CPEB3: variants seen among roughly 807,000 people sequenced by gnomAD.
The protein encoded by CPEB3 is cytoplasmic polyadenylation element-binding protein 3.
Under a neutral mutation model 67.2 loss-of-function variants are expected in CPEB3, and 20 were observed. The observed-to-expected ratio is 0.30, with a 90% CI of 0.21 to 0.43. The LOEUF (loss-of-function observed/expected upper bound fraction) is 0.43, where lower values mean the gene tolerates loss of function less well. CPEB3 is among the 20% of genes least tolerant of loss of function. The probability of loss-of-function intolerance (pLI) is 1.00; values close to 1 mark genes in which losing one functional copy is unlikely to be tolerated. For missense variants in CPEB3, 746 were observed against 968.6 expected, an observed-to-expected ratio of 0.77 and a Z score of 3.05; for synonymous variants, 376 against 393.1, an observed-to-expected ratio of 0.96 and a Z score of 0.51.
chr10:92,084,808 T>C (rs1161762521), intron 8 of CPEB3, among the ~76,000 whole-genome samples: 1 of 152,120 alleles, frequency 6.6e-6, no homozygotes. Flanking sequence ...CTCGATCTCC[T>C]GACCTCATGA....
chr10:92,106,767 A>T (rs1844478140), intron 7 of CPEB3, among the ~76,000 whole-genome samples: 2 of 138,384 alleles, frequency 1.4e-5, no homozygotes, highest in Admixed American at 1.6e-4. Context: ...GTGTGCTGAG[A>T]TCGCACCACT....
intron 9 of CPEB3, among the ~76,000 whole-genome samples, chr10:92,073,749 G>A (rs983082464): frequency 1.3e-5 from 2 of 151,964 alleles, no homozygotes; most frequent in Non-Finnish European, 2.9e-5. Context: ...TTATAGGTGC[G>A]AGGCCCTGGA....
intron 6 of CPEB3, among the ~76,000 whole-genome samples, chr10:92,130,975 T>C (rs1229152419): frequency 6.6e-6 from 1 of 152,180 alleles, no homozygotes; most frequent in Admixed American, 6.5e-5. Context: ...TAAGAAGGCA[T>C]TGAACAGTTT....
chr10:92,219,895 C>T (rs748810238), intron 2 of CPEB3, among the ~76,000 whole-genome samples: 3 of 152,158 alleles, frequency 2.0e-5, no homozygotes, highest in Non-Finnish European at 4.4e-5. Flanking sequence ...TGGTGGCTCA[C>T]GCCTGTAATC....
chr10:92,285,629 C>T (rs1842495678), intron 1 of CPEB3, among the ~76,000 whole-genome samples: 1 of 152,112 alleles, frequency 6.6e-6, no homozygotes, highest in African/African-American at 2.4e-5. Context: ...CAGCACCAGC[C>T]CTTCATATTT....
At chr10:92,155,738 G>A (rs1847177340) in intron 4 of CPEB3, among the ~76,000 whole-genome samples, 1 of 152,048 alleles carries the variant, frequency 6.6e-6, no homozygotes, top group African/African-American at 2.4e-5. Flanking sequence ...CAGACCAAGA[G>A]CAGGGACCAA....
chr10:92,268,197 T>C (rs369612829), intron 1 of CPEB3, among the ~76,000 whole-genome samples: 1 of 152,228 alleles, frequency 6.6e-6, no homozygotes, highest in East Asian at 1.9e-4. Context: ...GTTTGATTTA[T>C]AGATATTTGA....
intron 6 of CPEB3, 70 bp downstream of exon 6, chr10:92,142,959 G>T: frequency 1.9e-6 from 2 of 1,057,952 alleles, no homozygotes; most frequent in Non-Finnish European, 2.8e-6. Flanking sequence ...GAGTTAAAAG[G>T]CTGCCTTTTA....
chr10:92,280,846 G>A (rs1323472356), intron 1 of CPEB3, among the ~76,000 whole-genome samples: 2 of 127,038 alleles, frequency 1.6e-5, no homozygotes, highest in Non-Finnish European at 3.1e-5. Context: ...TGTAACCCCC[G>A]CCTCCTGGGT....
At chr10:92,138,044 T>G (rs1846199347) in intron 6 of CPEB3, 1 of 153,980 alleles carries the variant, frequency 6.5e-6, no homozygotes, top group African/African-American at 2.4e-5. Context: ...AGAAGATGCA[T>G]GCTTGGGACT....
Position 92,189,983 on chromosome 10 carries a change from A to C in CPEB3, c.1165+2494T>G, listed in dbSNP as rs1488830039. On this transcript the variant is annotated intron_variant, in intron 3 of 9. Coordinates refer to ENST00000265997, the MANE Select transcript of CPEB3 (RefSeq NM_014912.5). ...CACCAAAACAAACAAACATACAAAA[A>C]CCAGTTACTCTGGGGCCAGGCAGGG... is the stretch of plus-strand genomic sequence containing the variant. Among the ~76,000 whole-genome samples the C allele has an allele frequency of 3.3e-5, 5 of 152,020 alleles. No individual in the cohort carries two copies. The East Asian group carries it at 9.7e-4, about 29-fold the overall frequency.
chr10:92,238,850 G>A (rs1460277473), intron 2 of CPEB3, among the ~76,000 whole-genome samples: 2 of 152,318 alleles, frequency 1.3e-5, no homozygotes, highest in African/African-American at 2.4e-5. Flanking sequence ...ATACGCAACC[G>A]TCTGAAATAG....
intron 1 of CPEB3, among the ~76,000 whole-genome samples, chr10:92,240,813 C>T (rs1166994065): frequency 6.6e-6 from 1 of 152,034 alleles, no homozygotes; most frequent in African/African-American, 2.4e-5. Flanking sequence ...AAAAAGACAC[C>T]GCACACACGA....
chr10:92,251,818 G>A (rs1852312832), intron 1 of CPEB3, among the ~76,000 whole-genome samples: 1 of 151,984 alleles, frequency 6.6e-6, no homozygotes, highest in Admixed American at 6.6e-5. Context: ...ATGGGTGCCT[G>A]TAATCCCAGC....
At chr10:92,256,393 CT>C (rs1185030211) in intron 1 of CPEB3, among the ~76,000 whole-genome samples, 444 of 141,746 alleles carry the variant, frequency 3.1e-3, no homozygotes, top group Middle Eastern at 3.7e-3. Context: ...AACCTTTTTT[CT>C]TTTTTTTTTT....
intron 4 of CPEB3, among the ~76,000 whole-genome samples, chr10:92,154,342 G>C (rs1437730352): frequency 2.0e-5 from 3 of 150,160 alleles, no homozygotes; most frequent in African/African-American, 7.4e-5. Flanking sequence ...AAATATAATT[G>C]GGTATTTTTA....
chr10:92,081,219 G>GAGCT (rs1843139900), intron 9 of CPEB3, 101 bp downstream of exon 9: 3 of 1,227,988 alleles, frequency 2.4e-6, no homozygotes, highest in Non-Finnish European at 3.6e-6. Flanking sequence ...ATGCAAGGTA[G>GAGCT]AGCTGGTCAC....
intron 2 of CPEB3, among the ~76,000 whole-genome samples, chr10:92,234,923 C>A (rs1345244268): frequency 1.3e-5 from 2 of 151,944 alleles, no homozygotes; most frequent in Non-Finnish European, 2.9e-5. Context: ...CGACTCCATC[C>A]CCCGAAAAAA....
chr10:92,098,159 C>T (rs1843974642), intron 7 of CPEB3, among the ~76,000 whole-genome samples: 1 of 46,546 alleles, frequency 2.1e-5, no homozygotes, highest in Non-Finnish European at 3.7e-5. Flanking sequence ...GACACTCTGC[C>T]TAAAAAAAAA....
Sources: gnomAD v4.1 joint callset for allele counts (sites outside exome capture counted in the v4.1 genomes callset) on GRCh38, gnomAD v4.1.1 for gene constraint, MANE v1.5 for transcripts, NCBI Gene and HGNC (gene_info 2026-07-23, HGNC 2026-07-21) for gene names.